Variants in DIAPH1 observed in about 807,000 individuals in gnomAD.
DIAPH1 encodes the protein protein diaphanous homolog 1.
In DIAPH1, 46 loss-of-function variants were observed where a neutral mutation model predicts 140.7. The ratio of observed to expected loss-of-function variants is 0.33; its 90% CI spans 0.26 to 0.42. The LOEUF is 0.42. Ranked by LOEUF, DIAPH1 falls within the 10% of genes least tolerant of loss-of-function variation. The probability of loss-of-function intolerance (pLI) is 1.00; values close to 1 mark genes in which losing one functional copy is unlikely to be tolerated. For synonymous variants in DIAPH1, 565 were observed against 551.6 expected (o/e 1.02, Z -0.34); for missense variants, 1,310 against 1,558.7 (o/e 0.84, Z 2.69).
At chr5:141,561,552 A>C (rs570238500) in intron 18 of DIAPH1, among the ~76,000 whole-genome samples, 48 of 152,302 alleles carry the variant, frequency 3.2e-4, no homozygotes, top group African/African-American at 1.1e-3. Flanking sequence ...TCAGACACTG[A>C]AATTTCCTTT....
At chr5:141,533,037 G>T (rs1161311409) in intron 19 of DIAPH1, among the ~76,000 whole-genome samples, 1 of 152,186 alleles carries the variant, frequency 6.6e-6, no homozygotes, top group South Asian at 2.1e-4. Flanking sequence ...CAGTTTACTG[G>T]TCTCATTGTA....
intron 1 of DIAPH1, among the ~76,000 whole-genome samples, chr5:141,611,196 T>G (rs879708253): frequency 6.6e-6 from 1 of 152,176 alleles, no homozygotes; most frequent in Non-Finnish European, 1.5e-5. Context: ...CAGTGACCTA[T>G]GATTGTGCCA....
In DIAPH1 at chr5:141,618,540, G is replaced by C. The variant is rs1294954012; in HGVS notation, c.117+258C>G. 5 of 381,546 alleles carry C rather than the reference G, an allele frequency of 1.3e-5. No homozygotes were observed. In the South Asian group the frequency reaches 1.7e-4, roughly 13 times the overall value. The allele number at this position is 381,546 out of a possible 1,614,324, so 23.6% of individuals were successfully genotyped here. On this transcript the variant is annotated intron_variant, in intron 1 of 27. Coordinates refer to ENST00000389054, the MANE Select transcript of DIAPH1 (RefSeq NM_005219.5). ...GCTGAGAGCCGGCCGGGGATATGCGGGCGGGAGGGCAGAATGTAAGGGCTG... is the reference window on the plus strand; with the variant it reads ...GCTGAGAGCCGGCCGGGGATATGCGCGCGGGAGGGCAGAATGTAAGGGCTG...
chr5:141,583,067 T>C lies in DIAPH1; in HGVS notation c.620+139A>G, dbSNP rs556689945. 59 of 796,750 alleles carry C rather than the reference T, an allele frequency of 7.4e-5. No individual in the cohort carries two copies. In the African/African-American group the frequency reaches 8.7e-4, roughly 12 times the overall value. 49.4% of individuals were successfully genotyped at this position (796,750 alleles called of 1,614,324 possible). A position where few individuals can be genotyped will look rare whatever the true frequency, so the allele number is the denominator to read the frequency against. Reference sequence around the variant, plus strand: ...ATCATTCATCCTCTAGCCACCACTATGATAAACCCCTTCTTGGCTAACAGT... The same window carrying C: ...ATCATTCATCCTCTAGCCACCACTACGATAAACCCCTTCTTGGCTAACAGT... On this transcript the variant is annotated intron_variant, in intron 6 of 27. Transcript: ENST00000389054.
At chr5:141,579,254 T>C in intron 8 of DIAPH1, 58 bp from the exon 9 acceptor site, 3 of 1,284,644 alleles carry the variant, frequency 2.3e-6, no homozygotes, top group Non-Finnish European at 3.4e-6. Flanking sequence ...CGGACACGTA[T>C]AATGAGTAAA....
At chr5:141,568,183 C>A (rs769022889) in intron 18 of DIAPH1, among the ~76,000 whole-genome samples, 1 of 149,968 alleles carries the variant, frequency 6.7e-6, no homozygotes, top group Non-Finnish European at 1.5e-5. Context: ...CAAAAGACAG[C>A]GAAGAGAAGA....
intron 18 of DIAPH1, among the ~76,000 whole-genome samples, chr5:141,543,865 T>C (rs1430823165): frequency 1.3e-5 from 2 of 152,156 alleles, no homozygotes; most frequent in Non-Finnish European, 2.9e-5. Context: ...AATCAATAGA[T>C]AAATGTATAC....
intron 18 of DIAPH1, among the ~76,000 whole-genome samples, chr5:141,544,228 T>C (rs950333261): frequency 9.2e-5 from 14 of 152,002 alleles, no homozygotes; most frequent in African/African-American, 3.4e-4. Flanking sequence ...GAGAATGGTG[T>C]GAAACTGGGA....
At chr5:141,571,047 G>A (rs573512287) in intron 18 of DIAPH1, among the ~76,000 whole-genome samples, 1 of 152,136 alleles carries the variant, frequency 6.6e-6, no homozygotes, top group Non-Finnish European at 1.5e-5. Context: ...GCTACAGAAT[G>A]GAGATGATAC....
chr5:141,605,989 G>C (rs1262496144), intron 1 of DIAPH1, among the ~76,000 whole-genome samples: 1 of 152,090 alleles, frequency 6.6e-6, no homozygotes. Context: ...AATCACTAGA[G>C]ACCTCTAAGC....
rs150488602 is a variant in DIAPH1, at chr5:141,606,187, C to T, written c.117+12611G>A. Among the ~76,000 whole-genome samples, 7 of 152,164 alleles carry T rather than the reference C, an allele frequency of 4.6e-5. No homozygotes were observed. The East Asian group carries it at 1.4e-3, about 29-fold the overall frequency. On this transcript the variant is annotated intron_variant, in intron 1 of 27. Coordinates refer to ENST00000389054, the MANE Select transcript of DIAPH1 (RefSeq NM_005219.5). Reference sequence around the variant, plus strand: ...TGAAAAAAATGGTGCACTCCTACTGCCACTAGTACTTTTTGTGGATATCCA... The same window carrying T: ...TGAAAAAAATGGTGCACTCCTACTGTCACTAGTACTTTTTGTGGATATCCA...
chr5:141,526,755 G>T (rs1204786647), intron 24 of DIAPH1, among the ~76,000 whole-genome samples: 1 of 152,162 alleles, frequency 6.6e-6, no homozygotes, highest in African/African-American at 2.4e-5. Flanking sequence ...GGAGTGCAGT[G>T]GCGCGATCTT....
intron 22 of DIAPH1, 44 bp from the exon 23 acceptor site, chr5:141,528,626 A>G (rs1421441375): frequency 1.9e-6 from 3 of 1,614,100 alleles, no homozygotes; most frequent in Non-Finnish European, 2.5e-6. Flanking sequence ...CATGTCCAAG[A>G]TGGCCTCCTG....
intron 18 of DIAPH1, among the ~76,000 whole-genome samples, chr5:141,568,447 T>C (rs1033184789): frequency 3.3e-5 from 5 of 152,180 alleles, no homozygotes; most frequent in African/African-American, 1.2e-4. Flanking sequence ...ATTCAAAATA[T>C]TCTCTGGCAG....
intron 6 of DIAPH1, 149 bp from the exon 7 acceptor site, chr5:141,582,524 G>A: frequency 1.5e-6 from 1 of 658,282 alleles, no homozygotes; most frequent in Non-Finnish European, 2.8e-6. Flanking sequence ...AACCACTGAA[G>A]AAAATAGATA....
At chr5:141,522,286 C>G (rs2099886665) in intron 27 of DIAPH1, among the ~76,000 whole-genome samples, 1 of 152,212 alleles carries the variant, frequency 6.6e-6, no homozygotes, top group Admixed American at 6.5e-5. Flanking sequence ...TTTAGTATCT[C>G]CTAGTATAAG....
chr5:141,575,727 C>T (rs2099895870), intron 14 of DIAPH1, among the ~76,000 whole-genome samples: 1 of 151,964 alleles, frequency 6.6e-6, no homozygotes, highest in Admixed American at 6.6e-5. Flanking sequence ...TCCACAGATT[C>T]CCTATTTTTA....
intron 18 of DIAPH1, among the ~76,000 whole-genome samples, chr5:141,561,505 G>C (rs2099893532): frequency 1.3e-5 from 2 of 149,540 alleles, no homozygotes; most frequent in Non-Finnish European, 3.0e-5. Context: ...AGTACTTCTA[G>C]AAATCTAGAA....
chr5:141,545,877 C>T (rs148866125), intron 18 of DIAPH1, among the ~76,000 whole-genome samples: 9 of 152,104 alleles, frequency 5.9e-5, no homozygotes, highest in Non-Finnish European at 7.4e-5. Context: ...ACATGTTGGC[C>T]GTAGTTTGCT....
Sources: allele counts gnomAD v4.1 joint callset (sites outside exome capture counted in the v4.1 genomes callset), GRCh38; gene constraint gnomAD v4.1.1; transcripts MANE v1.5; gene names NCBI Gene and HGNC (gene_info 2026-07-23, HGNC 2026-07-21).